The following RERE variants were observed in gnomAD, a reference collection of about 807,000 sequenced individuals.
The protein encoded by RERE is arginine-glutamic acid dipeptide repeats.
RERE carries 40 observed loss-of-function variants against 146.1 expected under a neutral mutation model. The ratio of observed to expected loss-of-function variants is 0.27; its 90% confidence interval spans 0.21 to 0.36. The LOEUF is 0.36. Among genes scored for constraint, RERE ranks in the 10% least tolerant of loss-of-function variants. The pLI is 1.00. For missense variants in RERE, 1,933 were observed against 2,138.7 expected (o/e 0.90, Z 1.90); for synonymous variants, 1,003 against 866.0 (o/e 1.16, Z -2.78).
At chr1:8,465,422 C>G (rs1158654222) in intron 11 of RERE, 1 of 288,196 alleles carries the variant, frequency 3.5e-6, no homozygotes, top group Admixed American at 4.7e-5. Context: ...CATGGTAGAG[C>G]ATGCCTACAG....
chr1:8,778,945 T>C (rs1369105471), intron 1 of RERE, among the ~76,000 whole-genome samples: 1 of 152,078 alleles, frequency 6.6e-6, no homozygotes, highest in African/African-American at 2.4e-5. Flanking sequence ...TCTCTTGGGT[T>C]CAAGCAATTC....
intron 2 of RERE, among the ~76,000 whole-genome samples, chr1:8,628,101 C>A (rs1459531621): frequency 6.6e-6 from 1 of 152,172 alleles, no homozygotes; most frequent in Admixed American, 6.5e-5. Context: ...ACCATGGCAA[C>A]TCAAACTGAT....
chr1:8,529,287 C>CTTCTTTTTTTTTTTTTTTTTT (rs1382281413), intron 7 of RERE, among the ~76,000 whole-genome samples: 5 of 102,440 alleles, frequency 4.9e-5, no homozygotes, highest in African/African-American at 1.5e-4. Flanking sequence ...GTTCTCCCTT[C>CTTCTTTTTTTTTTTTTTTTTT]TTTTTTTTTT....
chr1:8,762,664 A>G (rs1640777293), intron 1 of RERE, among the ~76,000 whole-genome samples: 1 of 152,174 alleles, frequency 6.6e-6, no homozygotes, highest in Non-Finnish European at 1.5e-5. Context: ...TTCTGGATGA[A>G]GCCTCAGGGG....
At chr1:8,442,888 C>T (rs1196163659) in intron 11 of RERE, among the ~76,000 whole-genome samples, 1 of 152,176 alleles carries the variant, frequency 6.6e-6, no homozygotes, top group Admixed American at 6.5e-5. Context: ...TTATTGGGCA[C>T]TGGAGCAAAA....
At chr1:8,466,166 GGAATTTGTTCTCATCCAA>G (rs1644594020) in intron 10 of RERE, 143 bp from the exon 11 acceptor site, 1 of 683,154 alleles carries the variant, frequency 1.5e-6, no homozygotes, top group African/African-American at 1.8e-5. Context: ...AGTAGGCGCA[GGAATTTGTTCTCATCCAA>G]GACCACCCTA....
At chr1:8,606,183 T>C (rs1390946711) in intron 4 of RERE, among the ~76,000 whole-genome samples, 1 of 152,140 alleles carries the variant, frequency 6.6e-6, no homozygotes, top group Non-Finnish European at 1.5e-5. Flanking sequence ...TACCATGTAA[T>C]ATGGTTGAAA....
At position 8,361,268 on chromosome 1, in the gene RERE, C is replaced by T. The variant is rs770586305; in HGVS notation, c.2239G>A (p.Val747Ile). 1 of 1,589,008 alleles carries T rather than the reference C, an allele frequency of 6.3e-7. No individual in the cohort carries two copies. The highest frequency in any genetic ancestry group is 1.2e-5 in the South Asian group (1 of 86,710). Residue 747 changes from valine (V) to isoleucine (I), a missense_variant, in exon 18 of 23, where the codon GTC becomes ATC. Physicochemically the swap from Val to Ile is conservative, Grantham distance 29. Coordinates refer to ENST00000400908, the MANE Select transcript of RERE (RefSeq NM_001042681.2). ...QPPALQAPTG[V>I]TPAPSSAPPG... Reference sequence around the variant, plus strand: ...GGAGCTGAGGAGGGAGCTGGGGTGACCCCAGTGGGAGCCTGCAAGGCTGGG... The same window carrying T: ...GGAGCTGAGGAGGGAGCTGGGGTGATCCCAGTGGGAGCCTGCAAGGCTGGG...
In RERE at chr1:8,353,643, CA is replaced by C. The variant is rs2124348984; in HGVS notation, c.*1443del. On this transcript the variant is annotated 3_prime_UTR_variant, in exon 23 of 23. Transcript: ENST00000400908. The stretch of plus-strand genomic sequence containing the variant: ...CCTGGAAACGAGGGCAGGCTCTCTC[CA>C]GGACGGTTCCGCTCAGAAGGGCCTG... 6.6e-6 allele frequency: 1 copy of C among 152,438 alleles called. No individual in the cohort carries two copies. The highest frequency in any genetic ancestry group is 2.1e-4 in the South Asian group (1 of 4,820). The allele number at this position is 152,438 out of a possible 1,614,324, so 9.4% of individuals were successfully genotyped here.
At chr1:8,596,942 A>C (rs1243838075) in intron 4 of RERE, among the ~76,000 whole-genome samples, 1 of 152,136 alleles carries the variant, frequency 6.6e-6, no homozygotes, top group Non-Finnish European at 1.5e-5. Context: ...AAGAAATTTC[A>C]CCTTTAATAA....
At chr1:8,461,778 A>G (rs541575013) in intron 11 of RERE, among the ~76,000 whole-genome samples, 7 of 152,304 alleles carry the variant, frequency 4.6e-5, no homozygotes, top group Admixed American at 3.3e-4. Context: ...GAGGAAGAGG[A>G]GAAGGAGGAG....
intron 11 of RERE, among the ~76,000 whole-genome samples, chr1:8,442,609 T>G (rs1431824578): frequency 6.6e-6 from 1 of 152,160 alleles, no homozygotes; most frequent in Admixed American, 6.5e-5. Flanking sequence ...CTCTGGTGTT[T>G]CTTTATAGCA....
chr1:8,648,330 T>A (rs1484208077), intron 2 of RERE, among the ~76,000 whole-genome samples: 1 of 152,030 alleles, frequency 6.6e-6, no homozygotes, highest in Non-Finnish European at 1.5e-5. Context: ...CTTCCATGCT[T>A]AAGGGATCCT....
At chr1:8,359,701 C>A in intron 19 of RERE, 63 bp downstream of exon 19, 1 of 1,552,434 alleles carries the variant, frequency 6.4e-7, no homozygotes, top group Non-Finnish European at 8.7e-7. Context: ...GGTGGCCCAG[C>A]GTGGCTCCCA....
chr1:8,572,121 A>C lies in RERE; in HGVS notation c.523-14598T>G, dbSNP rs531697587. ...TTGTTTCTTATTTCAGTTTATCTTA[A>C]TTATTGAGGTATAATTTACATACAC... On this transcript the variant is annotated intron_variant, in intron 4 of 22. Coordinates refer to ENST00000400908, the MANE Select transcript of RERE (RefSeq NM_001042681.2). Among the ~76,000 whole-genome samples, 5 of 152,304 alleles carry C rather than the reference A, an allele frequency of 3.3e-5. No individual in the cohort carries two copies. The South Asian group carries it at 1.0e-3, about 32-fold the overall frequency.
intron 10 of RERE, among the ~76,000 whole-genome samples, chr1:8,490,306 G>C (rs180718031): frequency 7.2e-6 from 1 of 139,626 alleles, no homozygotes; most frequent in African/African-American, 2.9e-5. Context: ...GCAGTGAGCC[G>C]AGATCGCACC....
chr1:8,733,781 T>C (rs1413840019), intron 1 of RERE, among the ~76,000 whole-genome samples: 1 of 152,196 alleles, frequency 6.6e-6, no homozygotes, highest in Non-Finnish European at 1.5e-5. Context: ...AGTTTGGAGG[T>C]ATTTTGTTAC....
At chr1:8,421,400 A>G (rs979042872) in intron 12 of RERE, among the ~76,000 whole-genome samples, 2 of 152,222 alleles carry the variant, frequency 1.3e-5, no homozygotes, top group African/African-American at 2.4e-5. Flanking sequence ...AGGGTAAGAA[A>G]TAAGTTGATT....
At chr1:8,689,066 CT>C (rs1293102483) in intron 1 of RERE, among the ~76,000 whole-genome samples, 2 of 151,482 alleles carry the variant, frequency 1.3e-5, no homozygotes, top group African/African-American at 2.4e-5. Context: ...CTATTCCAAG[CT>C]TTTAATCTAA....
Sources: allele counts gnomAD v4.1 joint callset (sites outside exome capture counted in the v4.1 genomes callset), GRCh38; gene constraint gnomAD v4.1.1; transcripts MANE v1.5; gene names NCBI Gene and HGNC (gene_info 2026-07-23, HGNC 2026-07-21).